The following HCFC2 variants were observed in gnomAD, a reference collection of about 807,000 sequenced individuals.
The protein encoded by HCFC2 is host cell factor 2.
In HCFC2, 18 loss-of-function variants were observed where a neutral mutation model predicts 89.2. That is an observed-to-expected ratio of 0.20 (90% CI 0.14 to 0.30). The LOEUF is 0.30. HCFC2 is among the 10% of genes least tolerant of loss of function. The pLI is 1.00. For synonymous variants in HCFC2, 308 were observed against 335.7 expected (o/e 0.92, Z 0.90); for missense variants, 578 against 956.1 (o/e 0.60, Z 5.21).
chr12:104,072,787 C>G (rs113128264), intron 3 of HCFC2, among the ~76,000 whole-genome samples: 1 of 151,816 alleles, frequency 6.6e-6, no homozygotes, highest in African/African-American at 2.4e-5. Flanking sequence ...GGACTACAGG[C>G]GCCCGCCACC....
At chr12:104,101,563 A>G (rs2029939885) in intron 13 of HCFC2, among the ~76,000 whole-genome samples, 2 of 152,078 alleles carry the variant, frequency 1.3e-5, no homozygotes, top group African/African-American at 4.8e-5. Context: ...TCTAAAGGGT[A>G]TTGTTCCTGG....
At chr12:104,086,648 A>AAATAAATAAATG (rs1555286141) in intron 7 of HCFC2, among the ~76,000 whole-genome samples, 199 bp from the exon 8 acceptor site, 1 of 150,034 alleles carries the variant, frequency 6.7e-6, no homozygotes, top group South Asian at 2.1e-4. Context: ...ATAAATAAAT[A>AAATAAATAAATG]AATAAATAGA....
Position 104,068,044 on chromosome 12 carries a change from A to G in HCFC2, c.410A>G (p.Asn137Ser), listed in dbSNP as rs557800723. The change falls in exon 3 of 15, where the codon AAC becomes AGC. Residue 137 changes from asparagine (N) to serine (S), a missense_variant. Asn to Ser is a conservative substitution (Grantham distance 46, BLOSUM62 1). This residue lies in a region of HCFC2 where 206 missense variants were observed against 419.2 expected (regional missense o/e 0.49). Coordinates refer to ENST00000229330, the MANE Select transcript of HCFC2 (RefSeq NM_013320.3). The surrounding 1 kb of genome is among the most constrained non-coding windows in gnomAD (Gnocchi z 4.1). ...RLGHSFSLYG[N>S]KCYLFGGLAN... The stretch of plus-strand genomic sequence containing the variant: ...GGACATAGCTTCTCTTTATATGGTA[A>G]CAAATGCTATTTGTTTGGTGGCCTG... 1 of 1,603,038 alleles carries G rather than the reference A, an allele frequency of 6.2e-7. No homozygotes were observed. Among genetic ancestry groups the G allele is most frequent in the South Asian group, 1.1e-5 (1 of 89,052 alleles).
chr12:104,103,414 T>C lies in HCFC2; in HGVS notation c.*141T>C. On this transcript the variant is annotated 3_prime_UTR_variant, in exon 15 of 15. Transcript: ENST00000229330. ...GTTTGTAAATTGTTCTTAAAATGTATTTGCTGAATTATAGATCCAAATAAA... is the reference window on the plus strand; with the variant it reads ...GTTTGTAAATTGTTCTTAAAATGTACTTGCTGAATTATAGATCCAAATAAA... The C allele has an allele frequency of 1.5e-6, 1 of 681,256 alleles. No individual in the cohort carries two copies. Among genetic ancestry groups the C allele is most frequent in the Non-Finnish European group, 2.4e-6 (1 of 418,918 alleles). The allele number at this position is 681,256 out of a possible 1,614,324, so 42.2% of individuals were successfully genotyped here.
In HCFC2 at chr12:104,098,249, C is replaced by A. The variant is rs1884232592; in HGVS notation, c.1741-94C>A. 7 of 919,324 alleles carry A rather than the reference C, an allele frequency of 7.6e-6. No individual in the cohort carries two copies. The East Asian group carries it at 1.6e-4, about 21-fold the overall frequency. 56.9% of individuals were successfully genotyped at this position (919,324 alleles called of 1,614,324 possible). On this transcript the variant is annotated intron_variant, in intron 12 of 14. Transcript: ENST00000229330. ...TAATGTTGTGGTGTTTATCCAAATA[C>A]CTACTTGTAGATCACTGCATGGACT...
At chr12:104,071,359 C>T (rs1448826405) in intron 3 of HCFC2, among the ~76,000 whole-genome samples, 5 of 152,192 alleles carry the variant, frequency 3.3e-5, no homozygotes, top group East Asian at 1.9e-4. Context: ...GCAAGCTTCT[C>T]AAGGGTATTC....
intron 10 of HCFC2, among the ~76,000 whole-genome samples, chr12:104,093,947 G>A (rs1045675498): frequency 1.3e-5 from 2 of 152,146 alleles, no homozygotes; most frequent in South Asian, 4.2e-4. Context: ...ATGGAGAGGC[G>A]AGAATTCATC....
rs2136632258 is a variant in HCFC2, at chr12:104,103,778, G to A, written c.*505G>A. On this transcript the variant is annotated 3_prime_UTR_variant, in exon 15 of 15. Transcript: ENST00000229330. ...GTGTGATACTATAATAATTCTAATA[G>A]TTATTTGATTCCTTTCTTTGTTTAC... 1.3e-5 allele frequency: 2 copies of A among 152,168 alleles called. No individual in the cohort carries two copies. Among genetic ancestry groups the A allele is most frequent in the South Asian group, 4.1e-4 (2 of 4,830 alleles). 9.4% of individuals were successfully genotyped at this position (152,168 alleles called of 1,614,324 possible).
At chr12:104,071,366 A>G (rs1188281803) in intron 3 of HCFC2, among the ~76,000 whole-genome samples, 3 of 152,208 alleles carry the variant, frequency 2.0e-5, no homozygotes, top group Non-Finnish European at 2.9e-5. Context: ...TCTCAAGGGT[A>G]TTCTACTTCA....
At chr12:104,093,605 G>T in intron 10 of HCFC2, 42 bp downstream of exon 10, 3 of 1,508,422 alleles carry the variant, frequency 2.0e-6, no homozygotes, top group Non-Finnish European at 2.7e-6. Context: ...TTATAAAATC[G>T]GTGGGGAATT....
At chr12:104,075,247 C>G (rs1004799403) in intron 3 of HCFC2, among the ~76,000 whole-genome samples, 4 of 151,374 alleles carry the variant, frequency 2.6e-5, no homozygotes, top group Non-Finnish European at 5.9e-5. Flanking sequence ...AAAGACAATT[C>G]TCTCTATCTT....
At chr12:104,094,696 A>C (rs745737225) in intron 10 of HCFC2, among the ~76,000 whole-genome samples, 7 of 152,194 alleles carry the variant, frequency 4.6e-5, no homozygotes, top group Non-Finnish European at 1.0e-4. Context: ...AGATCAAGGA[A>C]GTATAAACTG....
chr12:104,090,858 A>G (rs944179457), intron 9 of HCFC2: 2 of 152,214 alleles, frequency 1.3e-5, no homozygotes, highest in Non-Finnish European at 2.9e-5. Flanking sequence ...GAGGCTTTAA[A>G]AAAGCCTGGA....
At chr12:104,082,343 T>C (rs1356702212) in intron 5 of HCFC2, among the ~76,000 whole-genome samples, 157 bp from the exon 6 acceptor site, 1 of 152,236 alleles carries the variant, frequency 6.6e-6, no homozygotes, top group African/African-American at 2.4e-5. Context: ...GACCACTTTA[T>C]TCATCTTCTT....
In HCFC2 at chr12:104,068,082, G is replaced by C. The variant is rs755592892; in HGVS notation, c.448G>C (p.Glu150Gln). 1 of 1,598,664 alleles carries C rather than the reference G, an allele frequency of 6.3e-7. No individual in the cohort carries two copies. Among genetic ancestry groups the C allele is most frequent in the Non-Finnish European group, 8.5e-7 (1 of 1,174,328 alleles). The change falls in exon 3 of 15, where the codon GAA becomes CAA. Residue 150 changes from glutamate (E) to glutamine (Q), a missense_variant. Around this residue, in one of 4 missense-constraint regions of HCFC2, gnomAD observed 206 missense variants for 419.2 expected, o/e 0.49. Coordinates refer to ENST00000229330, the MANE Select transcript of HCFC2 (RefSeq NM_013320.3). The surrounding 1 kb of genome is among the most constrained non-coding windows in gnomAD (Gnocchi z 4.1). The stretch of plus-strand genomic sequence containing the variant: ...GTTTGGTGGCCTGGCAAACGAAAGC[G>C]AAGATTCAAACAATAATGTTCCCAG... ...YLFGGLANES[E>Q]DSNNNVPRYL...
chr12:104,093,191 A>C (rs1884074505), intron 9 of HCFC2, among the ~76,000 whole-genome samples, 195 bp from the exon 10 acceptor site: 1 of 152,200 alleles, frequency 6.6e-6, no homozygotes, highest in African/African-American at 2.4e-5. Context: ...ATGGAGATTA[A>C]GTGAAAAGAA....
intron 13 of HCFC2, among the ~76,000 whole-genome samples, chr12:104,099,176 C>T (rs931768788): frequency 1.4e-4 from 22 of 152,070 alleles, no homozygotes; most frequent in South Asian, 2.1e-4. Flanking sequence ...AGGAGCAATG[C>T]GTGGAGTGGG....
chr12:104,085,851 CTTAACTCTG>C (rs1299230181), intron 7 of HCFC2, among the ~76,000 whole-genome samples: 2 of 151,874 alleles, frequency 1.3e-5, no homozygotes. Context: ...TTTATTTGTT[CTTAACTCTG>C]TTAAATGATT....
At chr12:104,092,426 A>T (rs569825526) in intron 9 of HCFC2, among the ~76,000 whole-genome samples, 1 of 152,084 alleles carries the variant, frequency 6.6e-6, no homozygotes, top group Admixed American at 6.6e-5. Context: ...TGCCACTGCA[A>T]TCCAGCCTGG....
Sources: gnomAD v4.1 joint callset for allele counts (sites outside exome capture counted in the v4.1 genomes callset) on GRCh38, gnomAD v4.1.1 for gene constraint, gnomAD v4.1.1 regional missense constraint, Gnocchi (gnomAD v3.1) non-coding constraint, MANE v1.5 for transcripts, NCBI Gene and HGNC (gene_info 2026-07-23, HGNC 2026-07-21) for gene names.